The following KMT2E variants were observed in gnomAD, a reference collection of about 807,000 sequenced individuals.
KMT2E encodes histone reader KMT2E.
KMT2E carries 30 observed loss-of-function variants against 184.6 expected under a neutral mutation model. The ratio of observed to expected loss-of-function variants is 0.16; its 90% CI spans 0.12 to 0.22. The LOEUF is 0.22. Ranked by LOEUF, KMT2E falls within the 10% of genes least tolerant of loss-of-function variation. KMT2E has a pLI of 1.00. For missense variants in KMT2E, 2,023 were observed against 2,237.4 expected (o/e 0.90, Z 1.93); for synonymous variants, 815 against 776.5 (o/e 1.05, Z -0.82).
intron 3 of KMT2E, among the ~76,000 whole-genome samples, chr7:105,042,042 G>A (rs1172761632): frequency 2.0e-5 from 3 of 152,102 alleles, no homozygotes; most frequent in Admixed American, 2.0e-4. Flanking sequence ...CTGTCATCCA[G>A]GCTGGAGTGC....
chr7:105,087,087 G>A (rs563117646), intron 13 of KMT2E, among the ~76,000 whole-genome samples: 37 of 146,036 alleles, frequency 2.5e-4, no homozygotes, highest in South Asian at 1.1e-3. Flanking sequence ...AATATATAGC[G>A]TATGTAATAT....
At position 105,113,890 on chromosome 7, in the gene KMT2E, A is replaced by ATAAT. The variant is rs1293026297; in HGVS notation, c.*559_*562dup. Reference sequence around the variant, plus strand: ...TAAATACTGCATTTCTTTTGCGTATATAATTGCTTACAGCTTTTCTCATTT... The same window carrying ATAAT: ...TAAATACTGCATTTCTTTTGCGTATATAATTAATTGCTTACAGCTTTTCTCATTT... On this transcript the variant is annotated 3_prime_UTR_variant, in exon 27 of 27. Coordinates refer to ENST00000311117, the MANE Select transcript of KMT2E (RefSeq NM_182931.3). 2.6e-5 allele frequency: 4 copies of ATAAT among 155,004 alleles called. No homozygotes were observed. Among genetic ancestry groups the ATAAT allele is most frequent in the South Asian group, 4.1e-4 (2 of 4,926 alleles). The allele number at this position is 155,004 out of a possible 1,614,324, so 9.6% of individuals were successfully genotyped here. A position where few individuals can be genotyped will look rare whatever the true frequency, so the allele number is the denominator to read the frequency against.
chr7:105,067,996 A>G (rs540923097), intron 6 of KMT2E, among the ~76,000 whole-genome samples: 2 of 152,290 alleles, frequency 1.3e-5, no homozygotes, highest in Admixed American at 1.3e-4. Flanking sequence ...CCGCAAAGCC[A>G]TTATTGTACA....
At chr7:105,063,919 A>T in intron 5 of KMT2E, 1 of 452,656 alleles carries the variant, frequency 2.2e-6, no homozygotes, top group South Asian at 1.6e-5. Context: ...TTCCTTTGGA[A>T]TAATTTGTGC....
Position 105,057,002 on chromosome 7 carries a change from TAGC to T in KMT2E, c.72-5159_72-5157del, listed in dbSNP as rs375547680. On this transcript the variant is annotated intron_variant, in intron 3 of 26. Transcript: ENST00000311117. ...TAATAGATGCATGACAGAAGATTGTTAGCAGAGCACAAAAATAATTGTGTGAAA... is the reference window on the plus strand; with the variant it reads ...TAATAGATGCATGACAGAAGATTGTTAGAGCACAAAAATAATTGTGTGAAA... Among the ~76,000 whole-genome samples, 483 of 152,348 alleles carry T rather than the reference TAGC, an allele frequency of 3.2e-3. 5 individuals are homozygous for T. The highest frequency in any genetic ancestry group is 0.01 in the African/African-American group (419 of 41,588).
chr7:105,056,661 A>G (rs867791068), intron 3 of KMT2E, among the ~76,000 whole-genome samples: 30 of 152,214 alleles, frequency 2.0e-4, no homozygotes, highest in African/African-American at 6.8e-4. Flanking sequence ...GAACCACTCT[A>G]TTGGAAGTTT....
At chr7:105,088,977 T>C (rs1483972953) in intron 13 of KMT2E, among the ~76,000 whole-genome samples, 2 of 152,262 alleles carry the variant, frequency 1.3e-5, no homozygotes, top group East Asian at 1.9e-4. Context: ...GTATTTGTTA[T>C]ACTTAATGTT....
chr7:105,059,612 TTAAA>T lies in KMT2E; in HGVS notation c.72-2546_72-2543del, dbSNP rs1796710347. ...CAATATTTACCCGTAGGGGAAATTG[TTAAA>T]TAAATTTATATTCATATAATGAAAT... On this transcript the variant is annotated intron_variant, in intron 3 of 26. Coordinates refer to ENST00000311117, the MANE Select transcript of KMT2E (RefSeq NM_182931.3). 2.6e-5 allele frequency among the ~76,000 whole-genome samples: 4 copies of T among 152,324 alleles called. No individual in the cohort carries two copies. The South Asian group carries it at 8.3e-4, about 32-fold the overall frequency.
In KMT2E at chr7:105,105,669, A is replaced by G; in HGVS notation, c.2427A>G (p.Glu809=). ...SEKRRRKEPT[E]NISGSCKKRW... ...AAAGGAGAAGAAAAGAACCTACTGA[A>G]AACATTTCTGGTTCATGCAAGAAGG... Residue 809 remains glutamate, a synonymous_variant, in exon 18 of 27, where the codon GAA becomes GAG. Transcript: ENST00000311117. The G allele has an allele frequency of 6.2e-7, 1 of 1,603,120 alleles. No individual in the cohort carries two copies. Among genetic ancestry groups the G allele is most frequent in the East Asian group, 2.2e-5 (1 of 44,832 alleles).
rs1799491686 is a variant in KMT2E, at chr7:105,114,217, G to C, written c.*884G>C. On this transcript the variant is annotated 3_prime_UTR_variant, in exon 27 of 27. Coordinates refer to ENST00000311117, the MANE Select transcript of KMT2E (RefSeq NM_182931.3). ...CTACCTCAGCAACAGGAGGCAGCAA[G>C]GGGCTGTTCCTGTGGTGGTTTCTGT... is the stretch of plus-strand genomic sequence containing the variant. 6.6e-6 allele frequency: 1 copy of C among 152,220 alleles called. No individual in the cohort carries two copies. Among genetic ancestry groups the C allele is most frequent in the South Asian group, 2.1e-4 (1 of 4,826 alleles). 9.4% of individuals were successfully genotyped at this position (152,220 alleles called of 1,614,324 possible). A position where few individuals can be genotyped will look rare whatever the true frequency, so the allele number is the denominator to read the frequency against.
intron 22 of KMT2E, 69 bp from the exon 23 acceptor site, chr7:105,108,873 A>G: frequency 7.8e-7 from 1 of 1,288,370 alleles, no homozygotes; most frequent in Non-Finnish European, 1.1e-6. Context: ...TAGACAAAAA[A>G]GAATGCATTG....
rs1435711015 is a variant in KMT2E at position 105,040,984 on chromosome 7, C to T, written c.32C>T (p.Thr11Ile). MSIVIPLGVD[T>I]AETSYLEMAA... Reference sequence around the variant, plus strand: ...ATAGTGATCCCATTGGGGGTTGATACAGCAGAGACGTCATACTTGGAAATG... The same window carrying T: ...ATAGTGATCCCATTGGGGGTTGATATAGCAGAGACGTCATACTTGGAAATG... The change falls in exon 3 of 27, where the codon ACA becomes ATA. Residue 11 changes from threonine (T) to isoleucine (I), a missense_variant. Physicochemically the swap from Thr to Ile is moderately conservative, Grantham distance 89. Coordinates refer to ENST00000311117, the MANE Select transcript of KMT2E (RefSeq NM_182931.3). The T allele has an allele frequency of 3.1e-6, 5 of 1,602,228 alleles. No individual in the cohort carries two copies. The South Asian group carries it at 4.4e-5, about 14-fold the overall frequency.
rs181190287 is a variant in KMT2E at position 105,033,521 on chromosome 7, C to T, written c.-188-4605C>T. 2.0e-4 allele frequency among the ~76,000 whole-genome samples: 31 copies of T among 152,012 alleles called. No homozygotes were observed. In the East Asian group the frequency reaches 5.2e-3, roughly 26 times the overall value. ...GCTTTTTGTTTTTGCTTTTTTGAGA[C>T]GGAGTCTTGCTGTGTCGCCCAGTCT... is the stretch of plus-strand genomic sequence containing the variant. On this transcript the variant is annotated intron_variant, in intron 1 of 26. Coordinates refer to ENST00000311117, the MANE Select transcript of KMT2E (RefSeq NM_182931.3).
At chr7:105,076,568 G>T (rs1173773721) in intron 9 of KMT2E, among the ~76,000 whole-genome samples, 1 of 152,206 alleles carries the variant, frequency 6.6e-6, no homozygotes, top group Non-Finnish European at 1.5e-5. Flanking sequence ...ATTAATGTAT[G>T]TCCTCACTTT....
chr7:105,057,649 T>C lies in KMT2E; in HGVS notation c.72-4515T>C, dbSNP rs149680168. On this transcript the variant is annotated intron_variant, in intron 3 of 26. Coordinates refer to ENST00000311117, the MANE Select transcript of KMT2E (RefSeq NM_182931.3). ...TCATTTTTTGATAGAGGTGGGATCT[T>C]GCTGTGTTGCCCCGACTGGTCATGA... Among the ~76,000 whole-genome samples the C allele has an allele frequency of 3.2e-4, 48 of 152,174 alleles. No homozygotes were observed. In the East Asian group the frequency reaches 7.9e-3, roughly 25 times the overall value.
At chr7:105,037,427 A>G (rs756074769) in intron 1 of KMT2E, among the ~76,000 whole-genome samples, 5 of 151,982 alleles carry the variant, frequency 3.3e-5, no homozygotes, top group South Asian at 2.1e-4. Flanking sequence ...CAGTTGTGCA[A>G]TCGTGGCTCA....
At chr7:105,045,830 A>G (rs550920280) in intron 3 of KMT2E, among the ~76,000 whole-genome samples, 1 of 152,356 alleles carries the variant, frequency 6.6e-6, no homozygotes, top group East Asian at 1.9e-4. Context: ...TTGCTAGGTC[A>G]TAACATAATT....
At chr7:105,064,264 T>TATAA (rs1796945073) in intron 5 of KMT2E, 2 of 292,412 alleles carry the variant, frequency 6.8e-6, no homozygotes, top group Non-Finnish European at 1.3e-5. Context: ...ACTGAGTTTA[T>TATAA]CCCCTGCATA....
chr7:105,070,005 T>C (rs1797216292), intron 6 of KMT2E, among the ~76,000 whole-genome samples: 1 of 152,246 alleles, frequency 6.6e-6, no homozygotes, highest in African/African-American at 2.4e-5. Context: ...TTGTTGGATG[T>C]ATCATGATTT....
Sources: gnomAD v4.1 joint callset for allele counts (sites outside exome capture counted in the v4.1 genomes callset) on GRCh38, gnomAD v4.1.1 for gene constraint, MANE v1.5 for transcripts, NCBI Gene and HGNC (gene_info 2026-07-23, HGNC 2026-07-21) for gene names.